Variants in SMARCAD1 observed in about 807,000 individuals in gnomAD.
The protein encoded by SMARCAD1 is SNF2 related chromatin remodeling ATPase with DExD box 1.
In SMARCAD1, 25 loss-of-function variants were observed where a neutral mutation model predicts 127.1. The ratio of observed to expected loss-of-function variants is 0.20; its 90% confidence interval spans 0.14 to 0.27. SMARCAD1 has a LOEUF of 0.27. SMARCAD1 is among the 10% of genes least tolerant of loss of function. The probability of loss-of-function intolerance (pLI) is 1.00; values close to 1 mark genes in which losing one functional copy is unlikely to be tolerated. For synonymous variants in SMARCAD1, 400 were observed against 396.9 expected, an observed-to-expected ratio of 1.01 and a Z score of -0.09; for missense variants, 807 against 1,206.0, an observed-to-expected ratio of 0.67 and a Z score of 4.90.
chr4:94,260,929 G>C (rs554674377), intron 9 of SMARCAD1, among the ~76,000 whole-genome samples: 1 of 152,104 alleles, frequency 6.6e-6, no homozygotes, highest in South Asian at 2.1e-4. Flanking sequence ...AATTGGTACA[G>C]CTTAAGTGAA....
chr4:94,265,241 T>C (rs984447714), intron 10 of SMARCAD1, among the ~76,000 whole-genome samples: 1 of 151,974 alleles, frequency 6.6e-6, no homozygotes, highest in Admixed American at 6.6e-5. Context: ...TACACAAATT[T>C]GATATCCTAA....
At chr4:94,286,848 T>C (rs557020471) in intron 23 of SMARCAD1, among the ~76,000 whole-genome samples, 1 of 152,366 alleles carries the variant, frequency 6.6e-6, no homozygotes, top group East Asian at 1.9e-4. Context: ...TTGAAGTGTT[T>C]AGTTATGAAG....
In SMARCAD1 at chr4:94,252,642, G is replaced by A; in HGVS notation, c.916G>A (p.Val306Ile). Residue 306 changes from valine to isoleucine, a missense_variant, in exon 9 of 24, where the codon GTT (valine) becomes ATT (isoleucine). Coordinates refer to ENST00000354268, the MANE Select transcript of SMARCAD1 (RefSeq NM_020159.5). ...QDMQYVSQSE[V>I]PNGKEVSSRS... Reference sequence around the variant, plus strand: ...TATGCAATATGTATCACAAAGTGAGGTTCCAAATGGAAAAGAAGTTTCTTC... The same window carrying A: ...TATGCAATATGTATCACAAAGTGAGATTCCAAATGGAAAAGAAGTTTCTTC... 1 of 1,572,338 alleles carries A rather than the reference G, an allele frequency of 6.4e-7. No homozygotes were observed. The highest frequency in any genetic ancestry group is 8.6e-7 in the Non-Finnish European group (1 of 1,163,080).
At chr4:94,220,907 C>CACTGCAT (rs1234273225) in intron 2 of SMARCAD1, among the ~76,000 whole-genome samples, 1 of 152,226 alleles carries the variant, frequency 6.6e-6, no homozygotes, top group African/African-American at 2.4e-5. Flanking sequence ...AAGTACGCAT[C>CACTGCAT]ACTGCATACC....
intron 19 of SMARCAD1, among the ~76,000 whole-genome samples, chr4:94,279,789 C>T (rs1753763820): frequency 6.6e-6 from 1 of 152,056 alleles, no homozygotes; most frequent in South Asian, 2.1e-4. Context: ...TTTATTTTTG[C>T]CTCTTTCTCC....
At chr4:94,247,877 T>C (rs1748689598) in intron 6 of SMARCAD1, among the ~76,000 whole-genome samples, 1 of 152,224 alleles carries the variant, frequency 6.6e-6, no homozygotes, top group South Asian at 2.1e-4. Context: ...TTGGGGTACA[T>C]GTGCAAGTTT....
intron 2 of SMARCAD1, among the ~76,000 whole-genome samples, chr4:94,219,594 A>G (rs1466168830): frequency 6.6e-6 from 1 of 152,186 alleles, no homozygotes; most frequent in Non-Finnish European, 1.5e-5. Flanking sequence ...ACTGGTGGGA[A>G]ATTTCATTTG....
chr4:94,278,419 C>A lies in SMARCAD1; in HGVS notation c.2083-3C>A. On this transcript the variant is annotated splice_polypyrimidine_tract_variant and splice_region_variant and intron_variant, in intron 16 of 23. Coordinates refer to ENST00000354268, the MANE Select transcript of SMARCAD1 (RefSeq NM_020159.5). ...TAAAAGGATATGTTTTTATTTTGCT[C>A]AGAAATCAGCAGATGAGCAAAGCAT... 6.2e-7 allele frequency: 1 copy of A among 1,610,706 alleles called. No homozygotes were observed. The highest frequency in any genetic ancestry group is 1.1e-5 in the South Asian group (1 of 90,926).
At position 94,258,975 on chromosome 4, in the gene SMARCAD1, T is replaced by G. The variant is rs1280856011; in HGVS notation, c.1282-5732T>G. Reference sequence around the variant, plus strand: ...TCTAAAATCAAACTATTCTTCTTTTTTTGTTGTTGTTAAATATCCATGCCC... The same window carrying G: ...TCTAAAATCAAACTATTCTTCTTTTGTTGTTGTTGTTAAATATCCATGCCC... On this transcript the variant is annotated intron_variant, in intron 9 of 23. Transcript: ENST00000354268. Among the ~76,000 whole-genome samples, 5 of 152,258 alleles carry G rather than the reference T, an allele frequency of 3.3e-5. No homozygotes were observed. In the East Asian group the frequency reaches 5.8e-4, roughly 18 times the overall value.
chr4:94,245,940 C>G (rs533748778), intron 6 of SMARCAD1, among the ~76,000 whole-genome samples: 2 of 152,086 alleles, frequency 1.3e-5, no homozygotes, highest in Non-Finnish European at 2.9e-5. Context: ...CTCTCTAAAA[C>G]GATTTTCCCA....
chr4:94,231,512 G>T (rs1487467320), intron 3 of SMARCAD1, among the ~76,000 whole-genome samples: 1 of 152,116 alleles, frequency 6.6e-6, no homozygotes, highest in Non-Finnish European at 1.5e-5. Context: ...AGTATATAAA[G>T]AACACCTGTA....
chr4:94,278,332 T>G, intron 16 of SMARCAD1, 90 bp from the exon 17 acceptor site: 1 of 1,128,950 alleles, frequency 8.9e-7, no homozygotes, highest in Non-Finnish European at 1.3e-6. Flanking sequence ...CAGACTCTAA[T>G]GAGGGAGATT....
At chr4:94,258,901 T>C (rs1223871167) in intron 9 of SMARCAD1, among the ~76,000 whole-genome samples, 4 of 152,254 alleles carry the variant, frequency 2.6e-5, no homozygotes, top group African/African-American at 9.6e-5. Context: ...AGAAACTATT[T>C]GTTGTTTTCT....
chr4:94,261,043 T>G (rs72886741), intron 9 of SMARCAD1, among the ~76,000 whole-genome samples: 10,292 of 152,118 alleles, frequency 0.068, 1,176 homozygotes, highest in African/African-American at 0.23. Flanking sequence ...AATATGATAA[T>G]GACAGATTAG....
At position 94,291,125 on chromosome 4, in the gene SMARCAD1, ATC is replaced by A. The variant is rs1200212838; in HGVS notation, c.*1594_*1595del. 1 of 450,870 alleles carries A rather than the reference ATC, an allele frequency of 2.2e-6. No homozygotes were observed. The highest frequency in any genetic ancestry group is 1.6e-5 in the South Asian group (1 of 63,204). The allele number at this position is 450,870 out of a possible 1,614,324, so 27.9% of individuals were successfully genotyped here. On this transcript the variant is annotated 3_prime_UTR_variant, in exon 24 of 24. Coordinates refer to ENST00000354268, the MANE Select transcript of SMARCAD1 (RefSeq NM_020159.5). ...TACCTTTTAAAATCTCATAATGGAT[ATC>A]TCATGTTTTCTGTATTAATGTATTT... is the stretch of plus-strand genomic sequence containing the variant.
chr4:94,273,200 T>A (rs1305405867), intron 11 of SMARCAD1, among the ~76,000 whole-genome samples: 1 of 152,236 alleles, frequency 6.6e-6, no homozygotes, highest in Non-Finnish European at 1.5e-5. Context: ...TATCTCATGA[T>A]TATATTCTTA....
intron 21 of SMARCAD1, among the ~76,000 whole-genome samples, chr4:94,282,850 A>G (rs1579362008): frequency 6.6e-6 from 1 of 152,172 alleles, no homozygotes; most frequent in Non-Finnish European, 1.5e-5. Flanking sequence ...CTAAGCCACA[A>G]GTTTAAAAAG....
At chr4:94,279,133 A>T in intron 19 of SMARCAD1, 83 bp downstream of exon 19, 7 of 1,561,958 alleles carry the variant, frequency 4.5e-6, no homozygotes, top group Non-Finnish European at 5.3e-6. Flanking sequence ...CCCAATGGGC[A>T]TACTAAACCT....
At position 94,215,155 on chromosome 4, in the gene SMARCAD1, G is replaced by C. The variant is rs139893041; in HGVS notation, c.190+6571G>C. Among the ~76,000 whole-genome samples the C allele has an allele frequency of 2.5e-3, 385 of 152,196 alleles. 3 individuals carry two copies. The highest frequency in any genetic ancestry group is 8.6e-3 in the African/African-American group (357 of 41,508). On this transcript the variant is annotated intron_variant, in intron 2 of 23. Transcript: ENST00000354268. The stretch of plus-strand genomic sequence containing the variant: ...ACTCAGTCTTTTTGTAGGTGTCTGT[G>C]GCCAAAATGTGAGCCATCGTTAAAC...
Sources: gnomAD v4.1 joint callset for allele counts (sites outside exome capture counted in the v4.1 genomes callset) on GRCh38, gnomAD v4.1.1 for gene constraint, MANE v1.5 for transcripts, NCBI Gene and HGNC (gene_info 2026-07-23, HGNC 2026-07-21) for gene names.